NR6A1: variants seen among roughly 807,000 people sequenced by gnomAD.
The protein encoded by NR6A1 is retinoic acid receptor-related testis-associated receptor.
A neutral mutation model predicts 59.1 loss-of-function variants in NR6A1; 7 were observed. The ratio of observed to expected loss-of-function variants is 0.12; its 90% CI spans 0.07 to 0.22. NR6A1 has a LOEUF of 0.22. Ranked by LOEUF, NR6A1 falls within the 10% of genes least tolerant of loss-of-function variation. The probability of loss-of-function intolerance (pLI) is 1.00; values close to 1 mark genes in which losing one functional copy is unlikely to be tolerated. For synonymous variants in NR6A1, 243 were observed against 236.1 expected, an observed-to-expected ratio of 1.03 and a Z score of -0.27; for missense variants, 468 against 611.6, an observed-to-expected ratio of 0.77 and a Z score of 2.48.
intron 2 of NR6A1, among the ~76,000 whole-genome samples, chr9:124,687,605 G>C (rs1234336038): frequency 6.6e-6 from 1 of 152,096 alleles, no homozygotes; most frequent in Non-Finnish European, 1.5e-5. Context: ...TAACCTTTGA[G>C]ATTCTTTTTT....
chr9:124,729,754 C>T (rs1839829294), intron 2 of NR6A1, among the ~76,000 whole-genome samples: 1 of 152,038 alleles, frequency 6.6e-6, no homozygotes, highest in South Asian at 2.1e-4. Flanking sequence ...TAGGGCTGAA[C>T]ATGCTCATTT....
In NR6A1 at chr9:124,717,585, T is replaced by G. The variant is rs148087523; in HGVS notation, c.142+15723A>C. 4.6e-3 allele frequency among the ~76,000 whole-genome samples: 701 copies of G among 152,284 alleles called. 6 individuals carry two copies. Among genetic ancestry groups the G allele is most frequent in the African/African-American group, 0.016 (656 of 41,548 alleles). On this transcript the variant is annotated intron_variant, in intron 2 of 9. Coordinates refer to ENST00000487099, the MANE Select transcript of NR6A1 (RefSeq NM_033334.4). ...AAGTAGTGGGATGGACTGGGAAAAG[T>G]AAAAGGGAATTTTCTGAAGGGATGG...
At chr9:124,547,389 G>A (rs1335866892) in intron 3 of NR6A1, among the ~76,000 whole-genome samples, 4 of 152,136 alleles carry the variant, frequency 2.6e-5, no homozygotes, top group African/African-American at 7.2e-5. Context: ...TCTGGTTCTG[G>A]TGGGACCCCT....
chr9:124,767,835 T>C (rs747546335), intron 1 of NR6A1, among the ~76,000 whole-genome samples: 1 of 152,256 alleles, frequency 6.6e-6, no homozygotes, highest in Non-Finnish European at 1.5e-5. Flanking sequence ...TAATGGCTTA[T>C]AACCTTCCTT....
intron 2 of NR6A1, among the ~76,000 whole-genome samples, chr9:124,628,060 G>A (rs1318333388): frequency 2.0e-5 from 3 of 151,864 alleles, no homozygotes; most frequent in Non-Finnish European, 2.9e-5. Context: ...ACGGAGTCTC[G>A]CTCTGCCGCC....
intron 2 of NR6A1, among the ~76,000 whole-genome samples, chr9:124,644,008 C>T (rs1484228632): frequency 6.6e-6 from 1 of 152,072 alleles, no homozygotes; most frequent in Non-Finnish European, 1.5e-5. Context: ...TCAAGCGATT[C>T]TCCAGCTTCA....
chr9:124,721,353 C>T (rs996741073), intron 2 of NR6A1, among the ~76,000 whole-genome samples: 3 of 152,146 alleles, frequency 2.0e-5, no homozygotes, highest in Non-Finnish European at 4.4e-5. Context: ...CTCATACCAC[C>T]CCTACCCTGA....
At chr9:124,591,416 TC>T (rs772514308) in intron 2 of NR6A1, among the ~76,000 whole-genome samples, 63 of 152,292 alleles carry the variant, frequency 4.1e-4, no homozygotes, top group Non-Finnish European at 7.3e-5. Flanking sequence ...AGGTTCTTTC[TC>T]CAACACCAGG....
At chr9:124,532,090 T>G (rs527607995) in intron 7 of NR6A1, among the ~76,000 whole-genome samples, 1 of 152,350 alleles carries the variant, frequency 6.6e-6, no homozygotes, top group East Asian at 1.9e-4. Flanking sequence ...TTATTTAGAT[T>G]GACATTTGAG....
At chr9:124,532,194 C>T (rs767896437) in intron 7 of NR6A1, among the ~76,000 whole-genome samples, 8 of 152,178 alleles carry the variant, frequency 5.3e-5, no homozygotes, top group Non-Finnish European at 8.8e-5. Flanking sequence ...ACCCTAAATC[C>T]ACAAAATTGC....
intron 2 of NR6A1, among the ~76,000 whole-genome samples, chr9:124,692,842 T>G (rs1838604876): frequency 6.6e-6 from 1 of 152,194 alleles, no homozygotes; most frequent in African/African-American, 2.4e-5. Flanking sequence ...AAGTAAAAAT[T>G]TATTAAAAAT....
At chr9:124,641,757 T>G (rs1397464342) in intron 2 of NR6A1, among the ~76,000 whole-genome samples, 1 of 152,238 alleles carries the variant, frequency 6.6e-6, no homozygotes, top group Non-Finnish European at 1.5e-5. Context: ...TGCAGTGTCC[T>G]TGGCTTAAAT....
At chr9:124,765,988 T>C (rs1840924184) in intron 1 of NR6A1, among the ~76,000 whole-genome samples, 1 of 152,226 alleles carries the variant, frequency 6.6e-6, no homozygotes, top group Non-Finnish European at 1.5e-5. Flanking sequence ...CCTTGTCTTT[T>C]TCTTAAAGAC....
chr9:124,586,812 T>C (rs1327112528), intron 2 of NR6A1, among the ~76,000 whole-genome samples: 2 of 152,224 alleles, frequency 1.3e-5, no homozygotes, highest in Non-Finnish European at 2.9e-5. Flanking sequence ...GAGGTTTCTT[T>C]GTAGATGGAA....
intron 2 of NR6A1, among the ~76,000 whole-genome samples, chr9:124,696,832 AT>A (rs1838780784): frequency 1.3e-5 from 2 of 151,838 alleles, no homozygotes; most frequent in South Asian, 4.2e-4. Context: ...AATTTTTTGT[AT>A]TTTTAGTAGA....
intron 2 of NR6A1, among the ~76,000 whole-genome samples, chr9:124,567,073 A>T (rs889402627): frequency 3.3e-5 from 5 of 151,244 alleles, no homozygotes; most frequent in Non-Finnish European, 1.5e-5. Context: ...CCGCCACTGC[A>T]CTCCAGCCTG....
rs74309903 is a variant in NR6A1, at chr9:124,613,718, C to T, written c.143-59148G>A. 6.9e-4 allele frequency among the ~76,000 whole-genome samples: 105 copies of T among 152,146 alleles called. 1 individual carries two copies. The East Asian group carries it at 0.016, about 23-fold the overall frequency. On this transcript the variant is annotated intron_variant, in intron 2 of 9. Coordinates refer to ENST00000487099, the MANE Select transcript of NR6A1 (RefSeq NM_033334.4). Reference sequence around the variant, plus strand: ...AATTAAAAGAAAAGCTCAAACTTTGCAATCAATAGGGGGATGGCTAATAAA... The same window carrying T: ...AATTAAAAGAAAAGCTCAAACTTTGTAATCAATAGGGGGATGGCTAATAAA...
intron 2 of NR6A1, among the ~76,000 whole-genome samples, chr9:124,657,391 G>A (rs1398710691): frequency 1.3e-5 from 2 of 152,086 alleles, no homozygotes; most frequent in African/African-American, 4.8e-5. Context: ...ATCAATTTAG[G>A]ACTCTATAAG....
At chr9:124,614,662 A>G (rs1231353539) in intron 2 of NR6A1, among the ~76,000 whole-genome samples, 1 of 152,230 alleles carries the variant, frequency 6.6e-6, no homozygotes, top group Non-Finnish European at 1.5e-5. Context: ...GACATAGACA[A>G]AAGTCCGCCA....
Sources: allele counts gnomAD v4.1 joint callset (sites outside exome capture counted in the v4.1 genomes callset), GRCh38; gene constraint gnomAD v4.1.1; transcripts MANE v1.5; gene names NCBI Gene and HGNC (gene_info 2026-07-23, HGNC 2026-07-21).